Variants in PLA2R1 observed in about 807,000 individuals in gnomAD.
The protein encoded by PLA2R1 is phospholipase A2 receptor 1, also known as secretory phospholipase A2 receptor.
In PLA2R1, 158 loss-of-function variants were observed where a neutral mutation model predicts 195.9. The ratio of observed to expected loss-of-function variants is 0.81; its 90% CI spans 0.71 to 0.92. The LOEUF is 0.92. Among genes scored for constraint, PLA2R1 ranks in the 40% least tolerant of loss-of-function variants. PLA2R1 has a pLI of 0.00. For missense variants in PLA2R1, 1,626 were observed against 1,764.6 expected, an observed-to-expected ratio of 0.92 and a Z score of 1.41; for synonymous variants, 586 against 598.2, an observed-to-expected ratio of 0.98 and a Z score of 0.30.
intron 12 of PLA2R1, among the ~76,000 whole-genome samples, 168 bp from the exon 13 acceptor site, chr2:159,984,241 C>A (rs1270269747): frequency 6.6e-6 from 1 of 152,088 alleles, no homozygotes; most frequent in African/African-American, 2.4e-5. Flanking sequence ...GCCTAGTCAT[C>A]ATAAAACTAT....
In PLA2R1 at chr2:159,947,000, T is replaced by C. The variant is rs1687431091; in HGVS notation, c.3851-83A>G. 9.2e-6 allele frequency: 8 copies of C among 873,746 alleles called. No individual in the cohort carries two copies. In the South Asian group the frequency reaches 1.4e-4, roughly 15 times the overall value. 54.1% of individuals were successfully genotyped at this position (873,746 alleles called of 1,614,324 possible). The stretch of plus-strand genomic sequence containing the variant: ...AAAATGTTTCCTATACTATTAATTG[T>C]AAAGCTCAGGTTTTGAAAAGTGAAA... On this transcript the variant is annotated intron_variant, in intron 26 of 29. Transcript: ENST00000283243.
intron 9 of PLA2R1, among the ~76,000 whole-genome samples, chr2:160,013,999 C>T (rs974120355): frequency 2.0e-5 from 3 of 151,946 alleles, no homozygotes; most frequent in Non-Finnish European, 4.4e-5. Context: ...GGAAAGAGAA[C>T]ATGAACAAAG....
chr2:159,961,767 A>C (rs1038923219), intron 20 of PLA2R1, among the ~76,000 whole-genome samples: 18 of 152,140 alleles, frequency 1.2e-4, no homozygotes, highest in African/African-American at 4.1e-4. Context: ...GTACAGGAGG[A>C]CACATGGGAT....
intron 17 of PLA2R1, among the ~76,000 whole-genome samples, chr2:159,971,478 A>ACGTGTGTGCGCGCG (rs1294747786): frequency 8.0e-6 from 1 of 125,694 alleles, no homozygotes; most frequent in Non-Finnish European, 2.0e-5. Flanking sequence ...GTGCGCGCAC[A>ACGTGTGTGCGCGCG]CACACACACA....
In PLA2R1 at chr2:160,013,692, T is replaced by C. The variant is rs1178038684; in HGVS notation, c.1552-317A>G. Among the ~76,000 whole-genome samples, 30 of 141,646 alleles carry C rather than the reference T, an allele frequency of 2.1e-4. 1 individual carries two copies. The highest frequency in any genetic ancestry group is 1.7e-3 in the East Asian group (8 of 4,792). The allele number at this position is 141,646 out of a possible 152,430, so 92.9% of individuals were successfully genotyped here. ...CTCTCTCTTTCTCTCTCTCTCTCTC[T>C]CTCTCTCTCTGTCTCTCTCTCTCTC... On this transcript the variant is annotated intron_variant, in intron 9 of 29. Transcript: ENST00000283243.
At chr2:160,012,575 C>T (rs1692434732) in intron 10 of PLA2R1, among the ~76,000 whole-genome samples, 1 of 151,952 alleles carries the variant, frequency 6.6e-6, no homozygotes, top group South Asian at 2.1e-4. Context: ...CTAAAAACAC[C>T]CCCATACAAC....
At chr2:159,978,342 G>GA (rs1204483035) in intron 14 of PLA2R1, among the ~76,000 whole-genome samples, 2 of 151,932 alleles carry the variant, frequency 1.3e-5, no homozygotes, top group African/African-American at 4.8e-5. Flanking sequence ...AAAATTTGGG[G>GA]AAAAAAAGGA....
intron 16 of PLA2R1, 52 bp downstream of exon 16, chr2:159,976,633 T>C: frequency 2.7e-6 from 3 of 1,118,482 alleles, no homozygotes; most frequent in Non-Finnish European, 4.1e-6. Context: ...ATAGCACTTA[T>C]ATGGTATATA....
At chr2:159,974,549 C>A (rs912394481) in intron 17 of PLA2R1, among the ~76,000 whole-genome samples, 1 of 152,132 alleles carries the variant, frequency 6.6e-6, no homozygotes, top group Non-Finnish European at 1.5e-5. Flanking sequence ...CTTGTTATTG[C>A]CCTCTGAGGT....
rs1343871331 is a variant in PLA2R1, at chr2:160,032,958, C to A, written c.841+1G>T. 4.4e-6 allele frequency: 7 copies of A among 1,600,164 alleles called. No individual in the cohort carries two copies. The highest frequency in any genetic ancestry group is 1.7e-5 in the Admixed American group (1 of 59,482). ...TCAATGTGCGTCATCCACCTACTTA[C>A]CCCTTATGAAATTTTCTTCAGTTTC... On this transcript the variant is annotated splice_donor_variant, in intron 4 of 29. Coordinates refer to ENST00000283243, the MANE Select transcript of PLA2R1 (RefSeq NM_007366.5). LOFTEE classifies it high-confidence loss of function.
intron 11 of PLA2R1, among the ~76,000 whole-genome samples, chr2:159,991,155 G>T (rs1403122676): frequency 1.3e-5 from 2 of 152,150 alleles, no homozygotes; most frequent in African/African-American, 4.8e-5. Context: ...CTAAAATTAT[G>T]CTCCTGTCCC....
intron 11 of PLA2R1, among the ~76,000 whole-genome samples, chr2:159,995,838 A>G (rs1331939208): frequency 6.6e-6 from 1 of 152,082 alleles, no homozygotes; most frequent in Non-Finnish European, 1.5e-5. Context: ...ACTGCCCTCC[A>G]ATCTCCTTCA....
chr2:159,973,526 A>G (rs1183072269), intron 17 of PLA2R1, among the ~76,000 whole-genome samples: 2 of 151,478 alleles, frequency 1.3e-5, no homozygotes, highest in African/African-American at 2.4e-5. Flanking sequence ...GACCTTGGAG[A>G]GCTCCTTTGC....
chr2:159,963,636 C>T (rs569723673), intron 20 of PLA2R1, among the ~76,000 whole-genome samples: 1 of 152,182 alleles, frequency 6.6e-6, no homozygotes, highest in African/African-American at 2.4e-5. Flanking sequence ...GCACATGAAA[C>T]GATGCTCAAC....
intron 1 of PLA2R1, among the ~76,000 whole-genome samples, chr2:160,057,880 G>T (rs1210259191): frequency 6.6e-6 from 1 of 152,166 alleles, no homozygotes; most frequent in East Asian, 1.9e-4. Flanking sequence ...TCTCTGCCTG[G>T]GAGAGACCAG....
chr2:159,966,861 T>C (rs1169705272), intron 20 of PLA2R1, among the ~76,000 whole-genome samples: 2 of 152,184 alleles, frequency 1.3e-5, no homozygotes, highest in African/African-American at 2.4e-5. Flanking sequence ...TATTATAAAA[T>C]ATGAAGAGTG....
Position 160,005,797 on chromosome 2 carries a change from ACTGGTAATAAAAGC to A in PLA2R1, c.1675_1688del (p.Ala559PhefsTer4). On this transcript the variant is annotated frameshift_variant, in exon 11 of 30. Transcript: ENST00000283243. LOFTEE classifies it high-confidence loss of function. ...TCATTTTTACCACACTACTGATCAA[ACTGGTAATAAAAGC>A]CTGTTCAAACCTTAAAAGGGGAAAA... 1 of 1,612,818 alleles carries A rather than the reference ACTGGTAATAAAAGC, an allele frequency of 6.2e-7. No individual in the cohort carries two copies. The highest frequency in any genetic ancestry group is 2.2e-5 in the East Asian group (1 of 44,878).
intron 1 of PLA2R1, among the ~76,000 whole-genome samples, chr2:160,050,875 G>C (rs1418536675): frequency 6.6e-6 from 1 of 152,182 alleles, no homozygotes; most frequent in Non-Finnish European, 1.5e-5. Flanking sequence ...GAGGTACCTA[G>C]AGGAAGTTTC....
chr2:159,955,124 A>G, intron 23 of PLA2R1, 75 bp downstream of exon 23: 1 of 1,108,204 alleles, frequency 9.0e-7, no homozygotes, highest in South Asian at 1.4e-5. Flanking sequence ...TTAGCTACAC[A>G]GCTGTGTAAA....
Sources: allele counts gnomAD v4.1 joint callset (sites outside exome capture counted in the v4.1 genomes callset), GRCh38; gene constraint gnomAD v4.1.1; transcripts MANE v1.5; gene names NCBI Gene and HGNC (gene_info 2026-07-23, HGNC 2026-07-21).